SLC5A9: variants seen among roughly 807,000 people sequenced by gnomAD.
SLC5A9 encodes the protein sodium/glucose cotransporter 4.
SLC5A9 carries 59 observed loss-of-function variants against 70.9 expected under a neutral mutation model. That is an observed-to-expected ratio of 0.83 (90% CI 0.68 to 1.03). The LOEUF is 1.03. Among genes scored for constraint, SLC5A9 ranks in the 50% least tolerant of loss-of-function variants. The pLI, the probability that SLC5A9 is intolerant of heterozygous loss-of-function variation, is 0.00. For synonymous variants in SLC5A9, 340 were observed against 346.5 expected, an observed-to-expected ratio of 0.98 and a Z score of 0.21; for missense variants, 832 against 881.1, an observed-to-expected ratio of 0.94 and a Z score of 0.71.
At chr1:48,242,862 T>C (rs1198632187) in intron 13 of SLC5A9, among the ~76,000 whole-genome samples, 1 of 152,184 alleles carries the variant, frequency 6.6e-6, no homozygotes, top group Non-Finnish European at 1.5e-5. Context: ...TATAGGGAGA[T>C]GCACTTCCTA....
At chr1:48,224,505 C>A (rs1644116030) in intron 1 of SLC5A9, among the ~76,000 whole-genome samples, 1 of 152,214 alleles carries the variant, frequency 6.6e-6, no homozygotes, top group African/African-American at 2.4e-5. Context: ...CGCACTGGCC[C>A]TGGGAGATGA....
chr1:48,244,152 G>A (rs1644423211), intron 13 of SLC5A9, among the ~76,000 whole-genome samples: 1 of 152,188 alleles, frequency 6.6e-6, no homozygotes, highest in African/African-American at 2.4e-5. Flanking sequence ...TCAGTGCCTG[G>A]ACGGAGTTAG....
chr1:48,227,969 C>G (rs918077768), intron 2 of SLC5A9: 8 of 152,252 alleles, frequency 5.3e-5, no homozygotes, highest in African/African-American at 1.9e-4. Flanking sequence ...GCCCTCTCCC[C>G]GAGGTCTCCT....
At chr1:48,234,262 T>C (rs1425997027) in intron 9 of SLC5A9, among the ~76,000 whole-genome samples, 2 of 152,092 alleles carry the variant, frequency 1.3e-5, no homozygotes, top group African/African-American at 4.8e-5. Context: ...GAAGTCTGAA[T>C]TGAAAGCAGC....
chr1:48,224,672 C>CAG, intron 1 of SLC5A9, 52 bp from the exon 2 acceptor site: 1 of 1,575,820 alleles, frequency 6.3e-7, no homozygotes, highest in South Asian at 1.1e-5. Flanking sequence ...GGGGGCAGGG[C>CAG]AGAGGTTCAG....
At chr1:48,227,159 G>A (rs1569813664) in intron 2 of SLC5A9, among the ~76,000 whole-genome samples, 1 of 139,230 alleles carries the variant, frequency 7.2e-6, no homozygotes, top group East Asian at 2.7e-4. Context: ...ATGAGTGTGT[G>A]TGTCAGAGTG....
Position 48,222,779 on chromosome 1 carries a change from G to C in SLC5A9, c.43G>C (p.Asp15His), listed in dbSNP as rs1264812211. ...AGCAATGGGGCCTGGAGCTTCAGGG[G>C]ACGGGGTCAGGACTGAGACAGCTCC... ...LAAMGPGASG[D>H]GVRTETAPHI... The change falls in exon 1 of 14, where the codon GAC becomes CAC. Residue 15 changes from aspartate (D) to histidine (H), a missense_variant. By Grantham distance (81) the Asp-to-His change is moderately conservative. Coordinates refer to ENST00000438567, the MANE Select transcript of SLC5A9 (RefSeq NM_001011547.3). The C allele has an allele frequency of 1.2e-6, 2 of 1,614,182 alleles. No individual in the cohort carries two copies. The highest frequency in any genetic ancestry group is 2.2e-5 in the East Asian group (1 of 44,886).
chr1:48,244,914 C>T (rs1319166795), intron 13 of SLC5A9, among the ~76,000 whole-genome samples: 22 of 21,834 alleles, frequency 1.0e-3, no homozygotes, highest in South Asian at 1.8e-3. Flanking sequence ...ATATATAAAA[C>T]CTCTGTCTCA....
chr1:48,235,243 C>G (rs1644309992), intron 9 of SLC5A9, among the ~76,000 whole-genome samples: 1 of 152,186 alleles, frequency 6.6e-6, no homozygotes, highest in African/African-American at 2.4e-5. Context: ...CTGCTACCTC[C>G]CAAGCCAGGG....
At position 48,237,632 on chromosome 1, in the gene SLC5A9, C is replaced by G. The variant is rs1038092450; in HGVS notation, c.1293-47C>G. 1.9e-6 allele frequency: 3 copies of G among 1,595,792 alleles called. No homozygotes were observed. In the African/African-American group the frequency reaches 4.0e-5, roughly 21 times the overall value. ...TGCATCACCTTCACCCCACACCACA[C>G]CATGCCCACCCGAGTGTGCCTCAGT... On this transcript the variant is annotated intron_variant, in intron 10 of 13. Transcript: ENST00000438567.
Position 48,247,330 on chromosome 1 carries a change from T to A in SLC5A9, c.1838-5T>A. On this transcript the variant is annotated splice_region_variant and splice_polypyrimidine_tract_variant and intron_variant, in intron 13 of 13. Coordinates refer to ENST00000438567, the MANE Select transcript of SLC5A9 (RefSeq NM_001011547.3). ...CTCCTTTGTCTTCTGGCTTTGTCCC[T>A]CCAGCCCCAAGCAGGTCCTGGGGAA... The A allele has an allele frequency of 6.2e-7, 1 of 1,613,494 alleles. No individual in the cohort carries two copies. Among genetic ancestry groups the A allele is most frequent in the Non-Finnish European group, 8.5e-7 (1 of 1,179,666 alleles).
At chr1:48,226,056 C>G (rs963959274) in intron 2 of SLC5A9, among the ~76,000 whole-genome samples, 1 of 152,180 alleles carries the variant, frequency 6.6e-6, no homozygotes, top group Non-Finnish European at 1.5e-5. Context: ...GAAGTAGGAG[C>G]AGGGAGCTCT....
chr1:48,240,301 T>C (rs1315717143), intron 12 of SLC5A9: 1 of 152,222 alleles, frequency 6.6e-6, no homozygotes, highest in Non-Finnish European at 1.5e-5. Flanking sequence ...TGACTGAATC[T>C]CCTCTTCTTT....
chr1:48,229,654 G>A (rs2148569493), intron 4 of SLC5A9, 195 bp downstream of exon 4: 1 of 787,886 alleles, frequency 1.3e-6, no homozygotes. Flanking sequence ...AATGTTTTTG[G>A]AGTGAATGAC....
chr1:48,241,684 T>C (rs1644391655), intron 12 of SLC5A9, among the ~76,000 whole-genome samples: 1 of 151,542 alleles, frequency 6.6e-6, no homozygotes, highest in African/African-American at 2.4e-5. Context: ...CACATCATCA[T>C]ATTTGTGTGT....
At chr1:48,224,245 C>G (rs1644112111) in intron 1 of SLC5A9, among the ~76,000 whole-genome samples, 1 of 152,170 alleles carries the variant, frequency 6.6e-6, no homozygotes, top group Non-Finnish European at 1.5e-5. Flanking sequence ...CAAAACAGTA[C>G]CCATAACTCT....
At chr1:48,238,005 A>T (rs1437968308) in intron 11 of SLC5A9, among the ~76,000 whole-genome samples, 158 bp downstream of exon 11, 1 of 152,180 alleles carries the variant, frequency 6.6e-6, no homozygotes, top group Non-Finnish European at 1.5e-5. Flanking sequence ...TTCACTCAAC[A>T]AACATTTATC....
chr1:48,223,000 A>G, intron 1 of SLC5A9, 102 bp downstream of exon 1: 1 of 1,239,994 alleles, frequency 8.1e-7, no homozygotes, highest in Non-Finnish European at 1.1e-6. Flanking sequence ...AAAGAAGCAG[A>G]TCATAGAACC....
chr1:48,225,183 C>T (rs1644126889), intron 2 of SLC5A9, among the ~76,000 whole-genome samples: 1 of 152,104 alleles, frequency 6.6e-6, no homozygotes, highest in African/African-American at 2.4e-5. Flanking sequence ...CCCCTGACCA[C>T]CAGACAGTGG....
Sources: gnomAD v4.1 joint callset for allele counts (sites outside exome capture counted in the v4.1 genomes callset) on GRCh38, gnomAD v4.1.1 for gene constraint, MANE v1.5 for transcripts, NCBI Gene and HGNC (gene_info 2026-07-23, HGNC 2026-07-21) for gene names.